Variants in PIEZO1 observed in about 807,000 individuals in gnomAD.
The protein encoded by PIEZO1 is piezo type mechanosensitive ion channel component 1 (Er blood group).
Under a neutral mutation model 297.2 loss-of-function variants are expected in PIEZO1, and 296 were observed. The ratio of observed to expected loss-of-function variants is 1.00; its 90% confidence interval spans 0.91 to 1.10. The LOEUF is 1.10. PIEZO1 is among the 50% of genes least tolerant of loss of function. The probability of loss-of-function intolerance (pLI) is 0.00; values close to 1 mark genes in which losing one functional copy is unlikely to be tolerated. For missense variants in PIEZO1, 5,018 were observed against 3,455.5 expected (o/e 1.45, Z -11.34); for synonymous variants, 2,427 against 1,507.5 (o/e 1.61, Z -14.13).
chr16:88,742,090 G>C lies in PIEZO1; in HGVS notation c.289C>G (p.Arg97Gly), dbSNP rs767828494. The C allele has an allele frequency of 1.3e-6, 2 of 1,535,958 alleles. No individual in the cohort carries two copies. Among genetic ancestry groups the C allele is most frequent in the Non-Finnish European group, 1.7e-6 (2 of 1,146,768 alleles). The change falls in exon 4 of 51, where the codon CGC becomes GGC. Residue 97 changes from arginine to glycine, a missense_variant. Coordinates refer to ENST00000301015, the MANE Select transcript of PIEZO1 (RefSeq NM_001142864.4). The stretch of plus-strand genomic sequence containing the variant: ...ATGTGTCGCGAGAGGGTCTCCCAGC[G>C]GCTGCCTGCAGAGAAAGACGGGGGA... ...LDQLLGPSCS[R>G]WETLSRHIGV...
intron 1 of PIEZO1, among the ~76,000 whole-genome samples, chr16:88,779,798 T>G (rs967953482): frequency 6.6e-6 from 1 of 152,176 alleles, no homozygotes. Flanking sequence ...CTCAGCTCCA[T>G]GGAGGCCCGA....
At chr16:88,759,250 C>T (rs1906814912) in intron 1 of PIEZO1, among the ~76,000 whole-genome samples, 1 of 152,246 alleles carries the variant, frequency 6.6e-6, no homozygotes, top group Non-Finnish European at 1.5e-5. Context: ...GGGCTAGAAC[C>T]TGGGCCTCCT....
rs1007614385 is a variant in PIEZO1, at chr16:88,720,868, G to A, written c.5669-120C>T. Reference sequence around the variant, plus strand: ...TGACAGACAAGCAGACGGAGCACAGGAAAGCTCCCAGTGTCACTGGCAAGG... The same window carrying A: ...TGACAGACAAGCAGACGGAGCACAGAAAAGCTCCCAGTGTCACTGGCAAGG... On this transcript the variant is annotated intron_variant, in intron 39 of 50. Transcript: ENST00000301015. The A allele has an allele frequency of 1.2e-4, 149 of 1,194,202 alleles. 1 individual carries two copies. Among genetic ancestry groups the A allele is most frequent in the South Asian group, 3.1e-4 (19 of 61,502 alleles). 74.0% of individuals were successfully genotyped at this position (1,194,202 alleles called of 1,614,324 possible).
rs1420327605 is a variant in PIEZO1, at chr16:88,738,060, G to A, written c.894C>T (p.Ser298=). 3.9e-6 allele frequency: 6 copies of A among 1,535,736 alleles called. No individual in the cohort carries two copies. The highest frequency in any genetic ancestry group is 5.2e-6 in the Non-Finnish European group (6 of 1,146,852). ...KDFVGPTNCS[S]PHALVLNTGL... is the part of the protein sequence containing the mutation. ...CGGTGTTGAGGACCAGCGCGTGGGG[G>A]CTGGAGCAGTTGGTGGGACCCACGA... Residue 298 remains serine, a synonymous_variant, in exon 8 of 51, where the codon AGC becomes AGT. Transcript: ENST00000301015.
intron 5 of PIEZO1, chr16:88,739,475 C>T (rs1905489333): frequency 2.0e-5 from 3 of 152,350 alleles, no homozygotes; most frequent in East Asian, 1.9e-4. Flanking sequence ...ATCTGTGACT[C>T]GGGGGCTCTC....
rs1353156223 is a variant in PIEZO1 at position 88,732,365 on chromosome 16, G to A, written c.2961C>T (p.Ile987=). 6.5e-7 allele frequency: 1 copy of A among 1,549,524 alleles called. No individual in the cohort carries two copies. Among genetic ancestry groups the A allele is most frequent in the African/African-American group, 1.4e-5 (1 of 73,020 alleles). The part of the protein sequence containing the change: ...QDLLGCLKYF[I]NFFFYKFGLE... ...GCCCGAATTTGTAGAAGAAGAAGTTGATGAAGTACTTGAGGCAGCCGAGCA... is the reference window on the plus strand; with the variant it reads ...GCCCGAATTTGTAGAAGAAGAAGTTAATGAAGTACTTGAGGCAGCCGAGCA... Residue 987 remains isoleucine (I), a synonymous_variant, in exon 21 of 51, where the codon ATC becomes ATT. Coordinates refer to ENST00000301015, the MANE Select transcript of PIEZO1 (RefSeq NM_001142864.4).
At chr16:88,778,165 C>G (rs1907755366) in intron 1 of PIEZO1, among the ~76,000 whole-genome samples, 1 of 152,246 alleles carries the variant, frequency 6.6e-6, no homozygotes, top group African/African-American at 2.4e-5. Flanking sequence ...CGCTCCCGGA[C>G]CGGTGTAGCT....
intron 1 of PIEZO1, among the ~76,000 whole-genome samples, chr16:88,782,136 G>A (rs1304344331): frequency 2.0e-5 from 3 of 151,922 alleles, no homozygotes; most frequent in East Asian, 1.9e-4. Flanking sequence ...TCTTTTTTGA[G>A]ACAGGGTCTG....
At chr16:88,726,248 A>G in intron 27 of PIEZO1, 36 bp downstream of exon 27, 1 of 1,509,420 alleles carries the variant, frequency 6.6e-7, no homozygotes, top group Non-Finnish European at 8.9e-7. Flanking sequence ...CAGCCCCAAG[A>G]CGGGAGCTCT....
At chr16:88,736,469 C>G (rs900842051) in intron 11 of PIEZO1, 61 bp from the exon 12 acceptor site, 2 of 1,020,200 alleles carry the variant, frequency 2.0e-6, no homozygotes, top group African/African-American at 3.2e-5. Flanking sequence ...ATGCCCCACA[C>G]CTGCGCGGCA....
rs1912290797 is a variant in PIEZO1, at chr16:88,719,688, C to G, written c.6357G>C (p.Arg2119=). 1.3e-6 allele frequency: 2 copies of G among 1,552,656 alleles called. No homozygotes were observed. Among genetic ancestry groups the G allele is most frequent in the Non-Finnish European group, 1.7e-6 (2 of 1,148,232 alleles). Residue 2119 remains arginine (R), a synonymous_variant, in exon 44 of 51, where the codon CGG becomes CGC. Transcript: ENST00000301015. ...FRLVPFLVEL[R]AVMDWVWTDT... is the part of the protein sequence containing the mutation. Reference sequence around the variant, plus strand: ...CCGTCCACACCCAGTCCATCACTGCCCGCAGCTCCACCAGGAACGGCACCA... The same window carrying G: ...CCGTCCACACCCAGTCCATCACTGCGCGCAGCTCCACCAGGAACGGCACCA...
In PIEZO1 at chr16:88,731,719, C is replaced by T. The variant is rs1044821981; in HGVS notation, c.3183G>A (p.Pro1061=). 1.2e-4 allele frequency: 187 copies of T among 1,549,348 alleles called. No individual in the cohort carries two copies. The highest frequency in any genetic ancestry group is 3.0e-4 in the South Asian group (25 of 84,038). ...CGTGCCCCTCACCAATGCACAGGGC[C>T]GGGGGCATCCCCAGGCACAGCAGGT... ...YQYLLCLGMP[P]ALCIDYPWRW... is the part of the protein sequence containing the mutation. The change falls in exon 22 of 51, where the codon CCG becomes CCA. Residue 1061 remains proline (P), a synonymous_variant. Coordinates refer to ENST00000301015, the MANE Select transcript of PIEZO1 (RefSeq NM_001142864.4).
At chr16:88,765,397 T>C (rs1325941913) in intron 1 of PIEZO1, among the ~76,000 whole-genome samples, 1 of 152,194 alleles carries the variant, frequency 6.6e-6, no homozygotes, top group Non-Finnish European at 1.5e-5. Context: ...TCCAGGATGG[T>C]CGTACATCAT....
At chr16:88,720,856 G>C in intron 39 of PIEZO1, 108 bp from the exon 40 acceptor site, 1 of 1,275,538 alleles carries the variant, frequency 7.8e-7, no homozygotes, top group Non-Finnish European at 1.0e-6. Flanking sequence ...CAGACAAGCA[G>C]ACGGAGCACA....
intron 1 of PIEZO1, among the ~76,000 whole-genome samples, chr16:88,772,951 G>A (rs964555739): frequency 2.0e-5 from 3 of 152,328 alleles, no homozygotes; most frequent in African/African-American, 4.8e-5. Flanking sequence ...CACGGGACAC[G>A]TGAGTGGAGG....
chr16:88,722,438 G>T, intron 35 of PIEZO1, 41 bp from the exon 36 acceptor site: 1 of 1,468,902 alleles, frequency 6.8e-7, no homozygotes, highest in Non-Finnish European at 9.0e-7. Flanking sequence ...CTGCTCTATG[G>T]CCTGACCCCA....
Position 88,741,528 on chromosome 16 carries a change from A to C in PIEZO1, c.415T>G (p.Cys139Gly), listed in dbSNP as rs914380028. The change falls in exon 5 of 51, where the codon TGC (cysteine) becomes GGC (glycine). Residue 139 changes from cysteine to glycine, a missense_variant. Physicochemically the swap from Cys to Gly is radical, Grantham distance 159. Transcript: ENST00000301015. The stretch of plus-strand genomic sequence containing the variant: ...CGGGTGTTCCTTGCAAGGCGCCCGC[A>C]GATGCCGAGGCAGACAGAGGAGACC... Reference protein sequence around the residue: ...LVVSSVCLGICGRLARNTRQS... With the variant: ...LVVSSVCLGIGGRLARNTRQS... 23 of 1,535,610 alleles carry C rather than the reference A, an allele frequency of 1.5e-5. No homozygotes were observed. Among genetic ancestry groups the C allele is most frequent in the Admixed American group, 2.0e-5 (1 of 50,956 alleles).
At position 88,716,424 on chromosome 16, in the gene PIEZO1, G is replaced by T. The variant is rs563334408; in HGVS notation, c.6986C>A (p.Ala2329Asp). 3 of 1,549,768 alleles carry T rather than the reference G, an allele frequency of 1.9e-6. No homozygotes were observed. The highest frequency in any genetic ancestry group is 2.6e-6 in the Non-Finnish European group (3 of 1,146,686). ...YANEKHMLAL[A>D]PNSTARRQLA... is the part of the protein sequence containing the mutation. ...CTGCCGCCGTGCAGTGCTGTTGGGGGCCAGGGCCAGCATGTGCTTCTCGTT... is the reference window on the plus strand; with the variant it reads ...CTGCCGCCGTGCAGTGCTGTTGGGGTCCAGGGCCAGCATGTGCTTCTCGTT... The change falls in exon 48 of 51, where the codon GCC becomes GAC. Residue 2329 changes from alanine (A) to aspartate (D), a missense_variant. Coordinates refer to ENST00000301015, the MANE Select transcript of PIEZO1 (RefSeq NM_001142864.4).
chr16:88,743,925 A>G, intron 2 of PIEZO1: 1 of 298,584 alleles, frequency 3.3e-6, no homozygotes, highest in Non-Finnish European at 6.7e-6. Flanking sequence ...ACCGTCCAGG[A>G]AGGGAGGCTG....
Sources: gnomAD v4.1 joint callset for allele counts (sites outside exome capture counted in the v4.1 genomes callset) on GRCh38, gnomAD v4.1.1 for gene constraint, MANE v1.5 for transcripts, NCBI Gene and HGNC (gene_info 2026-07-23, HGNC 2026-07-21) for gene names.